Variants in MRPL39 observed in about 807,000 individuals in gnomAD.
The protein encoded by MRPL39 is mitochondrial ribosomal protein L39, also known as large ribosomal subunit protein mL39.
In MRPL39, 35 loss-of-function variants were observed where a neutral mutation model predicts 44.5. That is an observed-to-expected ratio of 0.79 (90% CI 0.60 to 1.04). The LOEUF (loss-of-function observed/expected upper bound fraction) is 1.04. MRPL39 is among the 50% of genes least tolerant of loss of function. The probability of loss-of-function intolerance (pLI) is 0.00; values close to 1 mark genes in which losing one functional copy is unlikely to be tolerated. For missense variants in MRPL39, 433 were observed against 413.5 expected (o/e 1.05, Z -0.41); for synonymous variants, 139 against 136.1 (o/e 1.02, Z -0.15).
chr21:25,597,478 T>C (rs1371214915), intron 5 of MRPL39, 64 bp from the exon 6 acceptor site: 4 of 927,408 alleles, frequency 4.3e-6, no homozygotes, highest in Non-Finnish European at 5.0e-6. Flanking sequence ...CATAAGCCAG[T>C]TGAAACAAAA....
chr21:25,593,866 G>A (rs763324123), intron 7 of MRPL39, 27 bp downstream of exon 7: 23 of 1,594,650 alleles, frequency 1.4e-5, no homozygotes, highest in Middle Eastern at 1.7e-4. Context: ...CTCTAACATA[G>A]CAGCCAGTTT....
Position 25,606,666 on chromosome 21 carries a change from G to A in MRPL39, c.74-11C>T, listed in dbSNP as rs370424348. 92 of 1,597,416 alleles carry A rather than the reference G, an allele frequency of 5.8e-5. No homozygotes were observed. Among genetic ancestry groups the A allele is most frequent in the African/African-American group, 5.6e-4 (42 of 74,512 alleles). ...ATGTTGCTATAAATCCTGTGGAGAA[G>A]TTACAATAAATATGAAGACTGAAAA... On this transcript the variant is annotated splice_polypyrimidine_tract_variant and intron_variant, in intron 1 of 9. Coordinates refer to ENST00000352957, the MANE Select transcript of MRPL39 (RefSeq NM_017446.4).
At chr21:25,601,208 G>A (rs954908107) in intron 4 of MRPL39, among the ~76,000 whole-genome samples, 160 bp downstream of exon 4, 2 of 152,132 alleles carry the variant, frequency 1.3e-5, no homozygotes, top group Non-Finnish European at 2.9e-5. Context: ...AACCTGCAAA[G>A]ACTACTTCAT....
At position 25,606,465 on chromosome 21, in the gene MRPL39, G is replaced by C; in HGVS notation, c.264C>G (p.Pro88=). The stretch of plus-strand genomic sequence containing the variant: ...GCTACTTACGCATGGCACAACTGTA[G>C]GGAGTTGAAATGTTTTTATTCATCA... ...VFVMNKNIST[P]YSCAMHLSEW... is the part of the protein sequence containing the mutation. Residue 88 remains proline (P), a synonymous_variant, in exon 2 of 10, where the codon CCC becomes CCG. Coordinates refer to ENST00000352957, the MANE Select transcript of MRPL39 (RefSeq NM_017446.4). The C allele has an allele frequency of 6.2e-7, 1 of 1,609,010 alleles. No homozygotes were observed. The highest frequency in any genetic ancestry group is 8.5e-7 in the Non-Finnish European group (1 of 1,177,380).
chr21:25,606,607 GTC>G lies in MRPL39; in HGVS notation c.120_121del (p.Leu40PhefsTer6), dbSNP rs2031680922. The stretch of plus-strand genomic sequence containing the variant: ...ATTAAAGAGATCATTCCGCATTTCT[GTC>G]AATTCTGTCGGTGACAGCTGAGAAG... On this transcript the variant is annotated frameshift_variant, in exon 2 of 10. Coordinates refer to ENST00000352957, the MANE Select transcript of MRPL39 (RefSeq NM_017446.4). LOFTEE classifies it high-confidence loss of function. 1.2e-6 allele frequency: 2 copies of G among 1,613,786 alleles called. No individual in the cohort carries two copies. Among genetic ancestry groups the G allele is most frequent in the African/African-American group, 2.7e-5 (2 of 74,890 alleles).
Position 25,593,935 on chromosome 21 carries a change from T to C in MRPL39, c.725A>G (p.Glu242Gly). ...HSKYKVDFIE[E>G]KASQNPERIV... The stretch of plus-strand genomic sequence containing the variant: ...TCTCTCAGGGTTCTGAGATGCCTTC[T>C]CTTCTATGAAATCTACTTTGTACCT... The change falls in exon 7 of 10, where the codon GAG (glutamate) becomes GGG (glycine). Residue 242 changes from glutamate (E) to glycine (G), a missense_variant. By Grantham distance (98) the Glu-to-Gly change is moderately conservative. Transcript: ENST00000352957. 6.2e-7 allele frequency: 1 copy of C among 1,613,756 alleles called. No homozygotes were observed. The highest frequency in any genetic ancestry group is 8.5e-7 in the Non-Finnish European group (1 of 1,179,922).
At chr21:25,586,353 A>G (rs186126790) in intron 9 of MRPL39, among the ~76,000 whole-genome samples, 3 of 152,280 alleles carry the variant, frequency 2.0e-5, no homozygotes, top group Admixed American at 2.0e-4. Flanking sequence ...CTACTAATTC[A>G]GCCTAAGTTA....
intron 3 of MRPL39, among the ~76,000 whole-genome samples, chr21:25,602,257 T>C (rs2031544832): frequency 6.6e-6 from 1 of 152,258 alleles, no homozygotes; most frequent in South Asian, 2.1e-4. Context: ...TAAATGTCTC[T>C]AAATGTCTGT....
At chr21:25,605,745 TA>T (rs1276277607) in intron 2 of MRPL39, among the ~76,000 whole-genome samples, 1 of 151,938 alleles carries the variant, frequency 6.6e-6, no homozygotes. Flanking sequence ...CTCTCAAAAA[TA>T]AAAATAAATT....
intron 5 of MRPL39, 133 bp downstream of exon 5, chr21:25,599,666 A>T (rs1424706528): frequency 1.7e-5 from 12 of 713,828 alleles, no homozygotes; most frequent in Middle Eastern, 6.1e-4. Flanking sequence ...AGATACATAG[A>T]TACATAGATA....
intron 9 of MRPL39, among the ~76,000 whole-genome samples, chr21:25,588,074 G>A (rs559224190): frequency 1.3e-5 from 2 of 152,316 alleles, no homozygotes; most frequent in African/African-American, 4.8e-5. Context: ...CACCTTGGGA[G>A]GCTGAGGGGG....
At chr21:25,607,508 T>G, upstream of MRPL39, 1 of 1,603,606 alleles carries the variant, frequency 6.2e-7, no homozygotes. Flanking sequence ...CGCAAGTCCT[T>G]CTCCGCCCTC....
chr21:25,587,456 A>G (rs1280266064), intron 9 of MRPL39, among the ~76,000 whole-genome samples: 1 of 152,194 alleles, frequency 6.6e-6, no homozygotes, highest in Non-Finnish European at 1.5e-5. Context: ...ATTCCTATCT[A>G]CATAGTCATT....
intron 7 of MRPL39, 47 bp downstream of exon 7, chr21:25,593,846 C>G (rs377155501): frequency 1.3e-6 from 2 of 1,508,652 alleles, no homozygotes; most frequent in African/African-American, 2.8e-5. Flanking sequence ...AACAATAAAG[C>G]TAAGCCTTAC....
Position 25,593,814 on chromosome 21 carries a change from T to A in MRPL39, c.767+79A>T. 1.5e-5 allele frequency: 18 copies of A among 1,202,114 alleles called. No homozygotes were observed. In the South Asian group the frequency reaches 2.5e-4, roughly 17 times the overall value. 74.5% of individuals were successfully genotyped at this position (1,202,114 alleles called of 1,614,324 possible). A position where few individuals can be genotyped will look rare whatever the true frequency, so the allele number is the denominator to read the frequency against. ...AAATAAGACACAAATTCATCTTTTT[T>A]GGTCATATGCTTCATTCAGATAACA... is the stretch of plus-strand genomic sequence containing the variant. On this transcript the variant is annotated intron_variant, in intron 7 of 9. Coordinates refer to ENST00000352957, the MANE Select transcript of MRPL39 (RefSeq NM_017446.4).
In MRPL39 at chr21:25,606,590, G is replaced by C. The variant is rs150397209; in HGVS notation, c.139C>G (p.Leu47Val). Residue 47 changes from leucine to valine, a missense_variant, in exon 2 of 10, where the codon CTC becomes GTC. Physicochemically the swap from Leu to Val is conservative, Grantham distance 32. Coordinates refer to ENST00000352957, the MANE Select transcript of MRPL39 (RefSeq NM_017446.4). Reference sequence around the variant, plus strand: ...TGCCTGGCTTTCTCTTTATTAAAGAGATCATTCCGCATTTCTGTCAATTCT... The same window carrying C: ...TGCCTGGCTTTCTCTTTATTAAAGACATCATTCCGCATTTCTGTCAATTCT... Reference protein sequence around the residue: ...PTELTEMRNDLFNKEKARQLS... With the variant: ...PTELTEMRNDVFNKEKARQLS... 5 of 1,613,936 alleles carry C rather than the reference G, an allele frequency of 3.1e-6. No homozygotes were observed. The highest frequency in any genetic ancestry group is 2.5e-6 in the Non-Finnish European group (3 of 1,179,864).
chr21:25,606,345 G>T, intron 2 of MRPL39, 104 bp downstream of exon 2: 1 of 1,038,124 alleles, frequency 9.6e-7, no homozygotes, highest in Non-Finnish European at 1.4e-6. Context: ...GATTGCCATG[G>T]CCACAGATGA....
At chr21:25,599,768 T>C in intron 5 of MRPL39, 31 bp downstream of exon 5, 1 of 1,564,144 alleles carries the variant, frequency 6.4e-7, no homozygotes, top group Non-Finnish European at 8.8e-7. Context: ...GCAGACACTC[T>C]AAAATTAATA....
At chr21:25,587,835 A>T (rs1033412478) in intron 9 of MRPL39, 1 of 1,409,184 alleles carries the variant, frequency 7.1e-7, no homozygotes, top group Non-Finnish European at 1.0e-6. Context: ...CTTGAAAATA[A>T]GTTTAATGTG....
Sources: allele counts gnomAD v4.1 joint callset (sites outside exome capture counted in the v4.1 genomes callset), GRCh38; gene constraint gnomAD v4.1.1; transcripts MANE v1.5; gene names NCBI Gene and HGNC (gene_info 2026-07-23, HGNC 2026-07-21).